The following INPP5J variants were observed in gnomAD, a reference collection of about 807,000 sequenced individuals.
INPP5J encodes the protein inositol polyphosphate-5-phosphatase J, also known as phosphatidylinositol 4,5-bisphosphate 5-phosphatase A.
Under a neutral mutation model 86.6 loss-of-function variants are expected in INPP5J, and 75 were observed. The ratio of observed to expected loss-of-function variants is 0.87; its 90% CI spans 0.72 to 1.05. The LOEUF (loss-of-function observed/expected upper bound fraction) is 1.05. Ranked by LOEUF, INPP5J falls within the 50% of genes least tolerant of loss-of-function variation. The pLI is 0.00. For synonymous variants in INPP5J, 540 were observed against 550.0 expected (o/e 0.98, Z 0.25); for missense variants, 1,229 against 1,341.2 (o/e 0.92, Z 1.31).
chr22:31,133,378 C>T, intron 10 of INPP5J, 28 bp from the exon 11 acceptor site: 2 of 1,611,632 alleles, frequency 1.2e-6, no homozygotes, highest in Non-Finnish European at 8.5e-7. Context: ...AGGGTCACAA[C>T]ACTGATTCCA....
intron 12 of INPP5J, 26 bp from the exon 13 acceptor site, chr22:31,133,887 G>A (rs1180193666): frequency 1.3e-5 from 21 of 1,603,074 alleles, no homozygotes; most frequent in East Asian, 4.5e-5. Context: ...GGAGCAGGGC[G>A]CCCCAGTGAC....
In INPP5J at chr22:31,127,007, C is replaced by T. The variant is rs1178782682; in HGVS notation, c.1581C>T (p.Asp527=). 1.2e-6 allele frequency: 2 copies of T among 1,606,940 alleles called. No homozygotes were observed. Among genetic ancestry groups the T allele is most frequent in the East Asian group, 2.2e-5 (1 of 44,526 alleles). ...CCTTCCTGCGAGACGTGCAGACCGACTGCACGCGCACTGGCCTGGGCGGCT... is the reference window on the plus strand; with the variant it reads ...CCTTCCTGCGAGACGTGCAGACCGATTGCACGCGCACTGGCCTGGGCGGCT... ...HLPFLRDVQT[D]CTRTGLGGYW... The change falls in exon 5 of 13, where the codon GAC becomes GAT. Residue 527 remains aspartate, a synonymous_variant. Transcript: ENST00000331075.
chr22:31,133,227 T>G lies in INPP5J; in HGVS notation c.2323T>G (p.Leu775Val). Reference sequence around the variant, plus strand: ...CCGCAGCTCCTGGGACTGGATCGGCTTATACCGGGTGAGAGGGGCAGTGGT... The same window carrying G: ...CCGCAGCTCCTGGGACTGGATCGGCGTATACCGGGTGAGAGGGGCAGTGGT... The part of the protein sequence containing the change: ...FARSSWDWIG[L>V]YRVGFRHCKD... Residue 775 changes from leucine (L) to valine (V), a missense_variant, in exon 10 of 13, where the codon TTA becomes GTA. Transcript: ENST00000331075. 6.2e-7 allele frequency: 1 copy of G among 1,606,626 alleles called. No individual in the cohort carries two copies. The highest frequency in any genetic ancestry group is 8.5e-7 in the Non-Finnish European group (1 of 1,177,952).
chr22:31,134,107 C>T lies in INPP5J; in HGVS notation c.2709C>T (p.Ser903=). The T allele has an allele frequency of 6.4e-7, 1 of 1,552,052 alleles. No individual in the cohort carries two copies. Among genetic ancestry groups the T allele is most frequent in the Non-Finnish European group, 8.7e-7 (1 of 1,148,146 alleles). ...RFPGLALRPS[S]RERRGASRSP... is the part of the protein sequence containing the mutation. Reference sequence around the variant, plus strand: ...CTGGGCTTGCCCTACGGCCCTCATCCCGTGAACGCCGTGGTGCCAGCCGTA... The same window carrying T: ...CTGGGCTTGCCCTACGGCCCTCATCTCGTGAACGCCGTGGTGCCAGCCGTA... The change falls in exon 13 of 13, where the codon TCC becomes TCT. Residue 903 remains serine, a synonymous_variant. Coordinates refer to ENST00000331075, the MANE Select transcript of INPP5J (RefSeq NM_001284285.2).
intron 5 of INPP5J, 110 bp from the exon 6 acceptor site, chr22:31,127,247 C>T: frequency 9.5e-7 from 1 of 1,053,688 alleles, no homozygotes; most frequent in Non-Finnish European, 1.4e-6. Flanking sequence ...TTCCTCATTT[C>T]TGTAGGACCC....
At position 31,127,432 on chromosome 22, in the gene INPP5J, G is replaced by A; in HGVS notation, c.1687G>A (p.Ala563Thr). ...MLCFLNCHLP[A>T]HMDKAEQRKD... is the part of the protein sequence containing the mutation. The stretch of plus-strand genomic sequence containing the variant: ...CTGCTTCCTGAACTGCCACTTGCCT[G>A]CGCATATGGACAAGGCGGAGCAGCG... The change falls in exon 6 of 13, where the codon GCG (alanine) becomes ACG (threonine). Residue 563 changes from alanine to threonine, a missense_variant. Physicochemically the swap from Ala to Thr is moderately conservative, Grantham distance 58 (BLOSUM62 0). Coordinates refer to ENST00000331075, the MANE Select transcript of INPP5J (RefSeq NM_001284285.2). 2 of 1,613,872 alleles carry A rather than the reference G, an allele frequency of 1.2e-6. No homozygotes were observed. The highest frequency in any genetic ancestry group is 8.5e-7 in the Non-Finnish European group (1 of 1,179,856).
In INPP5J at chr22:31,133,195, T is replaced by C; in HGVS notation, c.2291T>C (p.Val764Ala). The C allele has an allele frequency of 6.2e-7, 1 of 1,600,970 alleles. No homozygotes were observed. The part of the protein sequence containing the change: ...QAVVRYRMET[V>A]FARSSWDWIG... ...GTGGTGAGGTACCGCATGGAAACAG[T>C]GTTCGCCCGCAGCTCCTGGGACTGG... The change falls in exon 10 of 13, where the codon GTG becomes GCG. Residue 764 changes from valine (V) to alanine (A), a missense_variant. Transcript: ENST00000331075.
chr22:31,133,759 G>C, intron 12 of INPP5J, 45 bp downstream of exon 12: 1 of 1,576,784 alleles, frequency 6.3e-7, no homozygotes, highest in Non-Finnish European at 8.7e-7. Flanking sequence ...AAAGACTTTT[G>C]TCAAATGCCA....
Position 31,134,649 on chromosome 22 carries a change from T to G in INPP5J, c.*230T>G. ...GGGATGATGGGAGAGCTCTGGCAGATGTCCCAATCCTGGAGGTCATCCATT... is the reference window on the plus strand; with the variant it reads ...GGGATGATGGGAGAGCTCTGGCAGAGGTCCCAATCCTGGAGGTCATCCATT... On this transcript the variant is annotated 3_prime_UTR_variant, in exon 13 of 13. Coordinates refer to ENST00000331075, the MANE Select transcript of INPP5J (RefSeq NM_001284285.2). 1 of 421,662 alleles carries G rather than the reference T, an allele frequency of 2.4e-6. No homozygotes were observed. Among genetic ancestry groups the G allele is most frequent in the Non-Finnish European group, 4.1e-6 (1 of 241,048 alleles). 26.1% of individuals were successfully genotyped at this position (421,662 alleles called of 1,614,324 possible).
chr22:31,126,647 C>A lies in INPP5J; in HGVS notation c.1420C>A (p.Leu474Ile), dbSNP rs1325736705. The A allele has an allele frequency of 1.9e-6, 3 of 1,613,844 alleles. No homozygotes were observed. The African/African-American group carries it at 4.0e-5, about 22-fold the overall frequency. ...AGTGAACTCCATGCTCAACAAGCGA[C>A]TCAAGGACGCCCTCTTCACGGACCA... The part of the protein sequence containing the change: ...QEVNSMLNKR[L>I]KDALFTDQWS... The change falls in exon 4 of 13, where the codon CTC becomes ATC. Residue 474 changes from leucine (L) to isoleucine (I), a missense_variant. Leu to Ile is a conservative substitution (Grantham distance 5). Transcript: ENST00000331075.
At position 31,126,652 on chromosome 22, in the gene INPP5J, G is replaced by A. The variant is rs772678313; in HGVS notation, c.1425G>A (p.Lys475=). ...EVNSMLNKRL[K]DALFTDQWSE... is the part of the protein sequence containing the mutation. The stretch of plus-strand genomic sequence containing the variant: ...ACTCCATGCTCAACAAGCGACTCAA[G>A]GACGCCCTCTTCACGGACCAGTGGA... The change falls in exon 4 of 13, where the codon AAG becomes AAA. Residue 475 remains lysine, a synonymous_variant. Transcript: ENST00000331075. 1.2e-6 allele frequency: 2 copies of A among 1,613,954 alleles called. No homozygotes were observed. Among genetic ancestry groups the A allele is most frequent in the South Asian group, 2.2e-5 (2 of 91,090 alleles).
chr22:31,125,562 C>T lies in INPP5J; in HGVS notation c.823C>T (p.Pro275Ser), dbSNP rs769284671. ...SPPCIQTSPD[P>S]RLSPSFRARP... ...ACCCTGCATCCAAACCTCCCCAGAC[C>T]CTCGGCTCTCCCCCTCCTTCCGAGC... Residue 275 changes from proline to serine, a missense_variant, in exon 2 of 13, where the codon CCT (proline) becomes TCT (serine). Coordinates refer to ENST00000331075, the MANE Select transcript of INPP5J (RefSeq NM_001284285.2). The T allele has an allele frequency of 1.2e-4, 184 of 1,550,568 alleles. No homozygotes were observed. The African/African-American group carries it at 2.3e-3, about 19-fold the overall frequency.
intron 2 of INPP5J, 88 bp from the exon 3 acceptor site, chr22:31,126,288 A>C: frequency 8.6e-7 from 1 of 1,158,132 alleles, no homozygotes; most frequent in Non-Finnish European, 1.3e-6. Flanking sequence ...ACCTGCCTCC[A>C]TTTAGTTCCC....
chr22:31,133,930 G>A lies in INPP5J; in HGVS notation c.2532G>A (p.Ser844=), dbSNP rs202014053. The A allele has an allele frequency of 7.4e-5, 119 of 1,611,492 alleles. No individual in the cohort carries two copies. Among genetic ancestry groups the A allele is most frequent in the Non-Finnish European group, 9.8e-5 (116 of 1,178,418 alleles). ...TCCCCCAGATCTCGCTGCCTTCCTC[G>A]GAGTTGGCCAGCAGCAGCACAGACA... ...TEPFQISLPS[S]ELASSSTDSS... is the part of the protein sequence containing the mutation. The change falls in exon 13 of 13, where the codon TCG becomes TCA. Residue 844 remains serine (S), a synonymous_variant. Transcript: ENST00000331075.
At chr22:31,124,801 C>A (rs1398930245) in intron 1 of INPP5J, 44 bp from the exon 2 acceptor site, 2 of 1,549,594 alleles carry the variant, frequency 1.3e-6, no homozygotes, top group East Asian at 2.3e-5. Flanking sequence ...GGGCCCAATG[C>A]CCTGGTTAGG....
intron 10 of INPP5J, 38 bp from the exon 11 acceptor site, chr22:31,133,368 A>G: frequency 2.5e-6 from 4 of 1,608,996 alleles, no homozygotes; most frequent in Non-Finnish European, 3.4e-6. Context: ...CAGACATTAT[A>G]GGGTCACAAC....
chr22:31,125,617 A>G lies in INPP5J; in HGVS notation c.878A>G (p.Glu293Gly), dbSNP rs1921306008. ...ARPEALHSSP[E>G]DPVLPRPPQT... is the part of the protein sequence containing the mutation. ...CCTGAGGCCCTCCACAGCAGCCCTG[A>G]GGATCCTGTTTTGCCACGGCCACCC... Residue 293 changes from glutamate (E) to glycine (G), a missense_variant, in exon 2 of 13, where the codon GAG (glutamate) becomes GGG (glycine). Physicochemically the swap from Glu to Gly is moderately conservative, Grantham distance 98. Coordinates refer to ENST00000331075, the MANE Select transcript of INPP5J (RefSeq NM_001284285.2). 9 of 1,550,156 alleles carry G rather than the reference A, an allele frequency of 5.8e-6. No individual in the cohort carries two copies. Among genetic ancestry groups the G allele is most frequent in the Non-Finnish European group, 7.8e-6 (9 of 1,146,876 alleles).
chr22:31,124,408 A>G, intron 1 of INPP5J: 1 of 764,380 alleles, frequency 1.3e-6, no homozygotes, highest in Non-Finnish European at 1.6e-6. Context: ...TAGAAAAAGA[A>G]AAGAAACAGG....
In INPP5J at chr22:31,127,963, G is replaced by A. The variant is rs1921666739; in HGVS notation, c.1800G>A (p.Trp600Ter). 3.7e-6 allele frequency: 6 copies of A among 1,610,196 alleles called. No individual in the cohort carries two copies. The highest frequency in any genetic ancestry group is 5.1e-6 in the Non-Finnish European group (6 of 1,178,854). The change falls in exon 7 of 13, where the codon TGG (tryptophan) becomes TGA (stop). Residue 600 changes from tryptophan (W) to a stop codon, truncating the protein, a stop_gained. Transcript: ENST00000331075. LOFTEE classifies it high-confidence loss of function. ...CCACCCCAAACAGCCTCGTGTTCTG[G>A]TTCGGGGACCTGAACTTCCGCATTG... is the stretch of plus-strand genomic sequence containing the variant. ...QGILDHDLVFWFGDLNFRIES... is the reference protein window; with the variant it reads ...QGILDHDLVF
Sources: allele counts gnomAD v4.1 joint callset, GRCh38; gene constraint gnomAD v4.1.1; transcripts MANE v1.5; gene names NCBI Gene and HGNC (gene_info 2026-07-23, HGNC 2026-07-21).